USP28: variants seen among roughly 807,000 people sequenced by gnomAD.
The protein encoded by USP28 is ubiquitin carboxyl-terminal hydrolase 28.
In USP28, 113 loss-of-function variants were observed where a neutral mutation model predicts 145.0. That is an observed-to-expected ratio of 0.78 (90% CI 0.67 to 0.91). The LOEUF is 0.91. Among genes scored for constraint, USP28 ranks in the 40% least tolerant of loss-of-function variants. The pLI is 0.00. For synonymous variants in USP28, 447 were observed against 450.9 expected (o/e 0.99, Z 0.11); for missense variants, 1,201 against 1,289.6 (o/e 0.93, Z 1.05).
intron 1 of USP28, among the ~76,000 whole-genome samples, chr11:113,858,012 C>CCCA (rs1464960135): frequency 1.3e-5 from 2 of 152,052 alleles, no homozygotes; most frequent in Non-Finnish European, 2.9e-5. Context: ...ACTACGGGTG[C>CCCA]CCACCACCAC....
chr11:113,855,224 T>C (rs1484210132), intron 1 of USP28, among the ~76,000 whole-genome samples: 1 of 152,232 alleles, frequency 6.6e-6, no homozygotes, highest in South Asian at 2.1e-4. Context: ...AAAACCTAAA[T>C]TGTTAACTTC....
In USP28 at chr11:113,834,350, G is replaced by A. The variant is rs755736708; in HGVS notation, c.535-15C>T. On this transcript the variant is annotated splice_polypyrimidine_tract_variant and intron_variant, in intron 5 of 24. Coordinates refer to ENST00000003302, the Ensembl canonical transcript of USP28. ...TGAAAGAGAGACTGAAATAAAGAAAGAAAGGGATTCATAGCCTTTCCTGAA... is the reference window on the plus strand; with the variant it reads ...TGAAAGAGAGACTGAAATAAAGAAAAAAAGGGATTCATAGCCTTTCCTGAA... 8 of 1,579,990 alleles carry A rather than the reference G, an allele frequency of 5.1e-6. No homozygotes were observed. The highest frequency in any genetic ancestry group is 6.9e-6 in the Non-Finnish European group (8 of 1,156,934).
intron 5 of USP28, among the ~76,000 whole-genome samples, chr11:113,838,823 C>G (rs1200434992): frequency 6.6e-6 from 1 of 152,218 alleles, no homozygotes; most frequent in African/African-American, 2.4e-5. Context: ...TGCTGTTTCC[C>G]CAGAGCCTAA....
exon 8 of USP28, chr11:113,831,937 C>G (rs1434214436): frequency 6.2e-7 from 1 of 1,613,884 alleles, no homozygotes; most frequent in Non-Finnish European, 8.5e-7. Context: ...TAACAGCTAG[C>G]TGGAATGCGT....
At chr11:113,854,505 G>C (rs981445581) in intron 1 of USP28, among the ~76,000 whole-genome samples, 170 bp from the exon 2 acceptor site, 2 of 152,158 alleles carry the variant, frequency 1.3e-5, no homozygotes, top group African/African-American at 4.8e-5. Flanking sequence ...AGGTTCAAGC[G>C]ATTCTCCTGC....
chr11:113,812,058 A>G (rs981390086), intron 16 of USP28, among the ~76,000 whole-genome samples: 2 of 152,234 alleles, frequency 1.3e-5, no homozygotes, highest in Admixed American at 6.5e-5. Flanking sequence ...GAAACCTAAC[A>G]TTGTGTACTT....
intron 12 of USP28, among the ~76,000 whole-genome samples, chr11:113,818,734 T>C (rs927524643): frequency 3.0e-4 from 45 of 152,010 alleles, no homozygotes; most frequent in African/African-American, 1.0e-3. Context: ...GATGGCACAC[T>C]CCTGTAGTCC....
intron 5 of USP28, among the ~76,000 whole-genome samples, chr11:113,838,759 C>G (rs571490293): frequency 2.1e-4 from 32 of 152,330 alleles, no homozygotes; most frequent in Non-Finnish European, 3.8e-4. Context: ...TGTTTACTGT[C>G]TGTGCCACTC....
chr11:113,825,898 A>G (rs1415285126), intron 11 of USP28, among the ~76,000 whole-genome samples: 2 of 152,214 alleles, frequency 1.3e-5, no homozygotes, highest in African/African-American at 4.8e-5. Flanking sequence ...AATGCCCTAC[A>G]TATTGACTGT....
chr11:113,822,386 T>C (rs1323181288), intron 12 of USP28: 3 of 151,456 alleles, frequency 2.0e-5, no homozygotes, highest in South Asian at 2.1e-4. Flanking sequence ...GAGGCGGAGG[T>C]TGCAGCGAGC....
At chr11:113,830,285 A>G (rs576026438) in intron 9 of USP28, among the ~76,000 whole-genome samples, 14 of 152,318 alleles carry the variant, frequency 9.2e-5, no homozygotes, top group African/African-American at 3.4e-4. Flanking sequence ...TATTTTTCAG[A>G]GTCATATTGG....
chr11:113,829,386 G>T, intron 9 of USP28, 41 bp from the exon 10 acceptor site: 2 of 1,608,538 alleles, frequency 1.2e-6, no homozygotes, highest in South Asian at 1.1e-5. Context: ...ACATCACTAT[G>T]ACTATCTAAA....
intron 16 of USP28, among the ~76,000 whole-genome samples, chr11:113,811,341 C>T (rs1278225021): frequency 6.6e-6 from 1 of 152,172 alleles, no homozygotes; most frequent in Non-Finnish European, 1.5e-5. Flanking sequence ...ATTATTATTG[C>T]TCTCTGTATG....
chr11:113,817,021 A>G (rs986887769), intron 13 of USP28, among the ~76,000 whole-genome samples: 1 of 152,126 alleles, frequency 6.6e-6, no homozygotes, highest in African/African-American at 2.4e-5. Flanking sequence ...TTTTGACAAA[A>G]AAGTCTAACT....
At chr11:113,817,921 G>A in intron 12 of USP28, 84 bp from the exon 13 acceptor site, 2 of 1,411,924 alleles carry the variant, frequency 1.4e-6, no homozygotes, top group Admixed American at 1.9e-5. Flanking sequence ...GTTTATCACA[G>A]CAAGTCAATG....
chr11:113,847,950 T>C (rs573365665), intron 3 of USP28, among the ~76,000 whole-genome samples: 1 of 152,326 alleles, frequency 6.6e-6, no homozygotes, highest in South Asian at 2.1e-4. Context: ...TTAGATTTGC[T>C]ATCTCAACTT....
rs773731137 is a variant in USP28, at chr11:113,806,489, C to G, written c.2400G>C (p.Lys800Asn). The change falls in exon 19 of 25, where the codon AAG (lysine) becomes AAC (asparagine). Residue 800 changes from lysine (K) to asparagine (N), a missense_variant and splice_region_variant. Lys to Asn is a moderately conservative substitution (Grantham distance 94). Transcript: ENST00000003302. The stretch of plus-strand genomic sequence containing the variant: ...ATTAGAATTTTAAAAACAGAGATAC[C>G]TTAATCAGCCCTGCTTCAGACCCAT... 4 of 1,610,296 alleles carry G rather than the reference C, an allele frequency of 2.5e-6. No individual in the cohort carries two copies. In the South Asian group the frequency reaches 4.4e-5, roughly 18 times the overall value.
intron 3 of USP28, among the ~76,000 whole-genome samples, chr11:113,845,237 G>A (rs1191045557): frequency 3.3e-5 from 5 of 150,118 alleles, no homozygotes; most frequent in Admixed American, 2.0e-4. Flanking sequence ...TCATGAGTTC[G>A]AGACCAGCCT....
chr11:113,800,632 G>A (rs1004297600), intron 24 of USP28, among the ~76,000 whole-genome samples: 6 of 152,066 alleles, frequency 3.9e-5, no homozygotes, highest in African/African-American at 1.4e-4. Flanking sequence ...ACCTAACAAA[G>A]AGGATTCATA....
Sources: allele counts gnomAD v4.1 joint callset (sites outside exome capture counted in the v4.1 genomes callset), GRCh38; gene constraint gnomAD v4.1.1; transcripts MANE v1.5; gene names NCBI Gene and HGNC (gene_info 2026-07-23, HGNC 2026-07-21).